Variants in NFYB observed in about 807,000 individuals in gnomAD.
The protein encoded by NFYB is nuclear transcription factor Y subunit beta, also known as CAAT box DNA-binding protein subunit B.
In NFYB, 13 loss-of-function variants were observed where a neutral mutation model predicts 28.0. The observed-to-expected ratio is 0.46, with a 90% CI of 0.30 to 0.74. The LOEUF is 0.74. Among genes scored for constraint, NFYB ranks in the 30% least tolerant of loss-of-function variants. The probability of loss-of-function intolerance (pLI) is 0.07; values close to 1 mark genes in which losing one functional copy is unlikely to be tolerated. For missense variants in NFYB, 142 were observed against 247.6 expected (o/e 0.57, Z 2.86); for synonymous variants, 74 against 75.0 (o/e 0.99, Z 0.07).
chr12:104,121,118 A>T, intron 6 of NFYB, 122 bp downstream of exon 6: 1 of 778,340 alleles, frequency 1.3e-6, no homozygotes, highest in Non-Finnish European at 2.1e-6. Flanking sequence ...ATGAACTGAT[A>T]AGAACTATTT....
chr12:104,130,429 A>G (rs2030880171), intron 2 of NFYB, among the ~76,000 whole-genome samples: 1 of 152,222 alleles, frequency 6.6e-6, no homozygotes, highest in Non-Finnish European at 1.5e-5. Flanking sequence ...CTGTAGATAG[A>G]GACACATTTC....
At chr12:104,134,273 C>T (rs2031025914) in intron 2 of NFYB, among the ~76,000 whole-genome samples, 1 of 152,160 alleles carries the variant, frequency 6.6e-6, no homozygotes, top group Non-Finnish European at 1.5e-5. Flanking sequence ...GCAACCCATG[C>T]CTGTAGGGCA....
At chr12:104,131,557 A>G (rs566982167) in intron 2 of NFYB, 80 of 350,592 alleles carry the variant, frequency 2.3e-4, no homozygotes, top group African/African-American at 1.5e-3. Context: ...CTTTCACTCA[A>G]TAAGTCAACC....
chr12:104,129,970 C>T (rs1198398728), intron 2 of NFYB, among the ~76,000 whole-genome samples: 1 of 152,094 alleles, frequency 6.6e-6, no homozygotes, highest in South Asian at 2.1e-4. Context: ...TTAAAAAAAG[C>T]CTGCTTAATT....
At chr12:104,138,071 G>A (rs1196272329) in intron 1 of NFYB, 70 bp downstream of exon 1, 2 of 147,898 alleles carry the variant, frequency 1.4e-5, no homozygotes, top group African/African-American at 2.4e-5. Flanking sequence ...GCCGGGAGGA[G>A]ACGGACATTT....
intron 2 of NFYB, among the ~76,000 whole-genome samples, chr12:104,134,143 A>T (rs375926091): frequency 1.3e-5 from 2 of 152,058 alleles, no homozygotes; most frequent in African/African-American, 4.8e-5. Flanking sequence ...CCCACCCCCT[A>T]ATTGTTTCAC....
Position 104,117,141 on chromosome 12 carries a change from TC to T in NFYB, c.*2595del, listed in dbSNP as rs2030297268. 6.6e-6 allele frequency: 1 copy of T among 152,178 alleles called. No homozygotes were observed. Among genetic ancestry groups the T allele is most frequent in the South Asian group, 2.1e-4 (1 of 4,830 alleles). 9.4% of individuals were successfully genotyped at this position (152,178 alleles called of 1,614,324 possible). ...ATGGGAGCTTGCATACATAAGAAGT[TC>T]CAGAGGAGAAAACATGACATTCAGT... On this transcript the variant is annotated 3_prime_UTR_variant, in exon 8 of 8. Transcript: ENST00000240055.
At chr12:104,119,790 T>C in intron 7 of NFYB, 21 bp from the exon 8 acceptor site, 8 of 1,543,352 alleles carry the variant, frequency 5.2e-6, no homozygotes, top group Non-Finnish European at 7.2e-6. Flanking sequence ...AAAATTTAAA[T>C]TGAGCAGAAT....
chr12:104,126,492 A>G (rs2030720303), intron 3 of NFYB, among the ~76,000 whole-genome samples: 2 of 152,186 alleles, frequency 1.3e-5, no homozygotes, highest in Admixed American at 1.3e-4. Context: ...CTACTTGCCC[A>G]TTCTCCAAAA....
At position 104,128,567 on chromosome 12, in the gene NFYB, G is replaced by A. The variant is rs775317184; in HGVS notation, c.7-50C>T. The A allele has an allele frequency of 1.6e-5, 20 of 1,288,916 alleles. No homozygotes were observed. In the Admixed American group the frequency reaches 2.2e-4, roughly 14 times the overall value. The allele number at this position is 1,288,916 out of a possible 1,614,324, so 79.8% of individuals were successfully genotyped here. A position where few individuals can be genotyped will look rare whatever the true frequency, so the allele number is the denominator to read the frequency against. On this transcript the variant is annotated intron_variant, in intron 2 of 7. Coordinates refer to ENST00000240055, the MANE Select transcript of NFYB (RefSeq NM_006166.4). The stretch of plus-strand genomic sequence containing the variant: ...AATACTTTTCAAAGTACTAACAAAC[G>A]TAACAGATTCAACACTTATAAACTG...
chr12:104,133,410 A>C (rs2030994329), intron 2 of NFYB, among the ~76,000 whole-genome samples: 1 of 152,230 alleles, frequency 6.6e-6, no homozygotes. Flanking sequence ...TTCTCAAACC[A>C]GGATGGTGTT....
rs536982251 is a variant in NFYB at position 104,121,331 on chromosome 12, G to GAA, written c.430-12_430-11dup. ...TTTCTCCTTTCATAGCCTGAGGAAG[G>GAA]AAAAAAAAAAAGTCACTGATATTCA... is the stretch of plus-strand genomic sequence containing the variant. On this transcript the variant is annotated splice_polypyrimidine_tract_variant and intron_variant, in intron 5 of 7. Transcript: ENST00000240055. 2.8e-5 allele frequency: 35 copies of GAA among 1,249,906 alleles called. No homozygotes were observed. The highest frequency in any genetic ancestry group is 2.1e-4 in the Middle Eastern group (1 of 4,806). 77.4% of individuals were successfully genotyped at this position (1,249,906 alleles called of 1,614,324 possible).
chr12:104,123,169 C>G lies in NFYB; in HGVS notation c.429+57G>C, dbSNP rs2030545865. Reference sequence around the variant, plus strand: ...CCAGCCTGGGCAACAGAGCGATACTCCACCTCAAAAAAAAAAAGAAGAAAA... The same window carrying G: ...CCAGCCTGGGCAACAGAGCGATACTGCACCTCAAAAAAAAAAAGAAGAAAA... On this transcript the variant is annotated intron_variant, in intron 5 of 7. Transcript: ENST00000240055. 4 of 1,346,562 alleles carry G rather than the reference C, an allele frequency of 3.0e-6. No homozygotes were observed. In the Admixed American group the frequency reaches 6.6e-5, roughly 22 times the overall value. The allele number at this position is 1,346,562 out of a possible 1,614,324, so 83.4% of individuals were successfully genotyped here.
intron 4 of NFYB, among the ~76,000 whole-genome samples, chr12:104,124,180 C>T (rs530629697): frequency 2.0e-5 from 3 of 152,266 alleles, no homozygotes; most frequent in Admixed American, 2.0e-4. Flanking sequence ...AACTAAAAAA[C>T]TGAATTCACA....
In NFYB at chr12:104,117,847, A is replaced by G. The variant is rs1018511679; in HGVS notation, c.*1890T>C. 1 of 152,242 alleles carries G rather than the reference A, an allele frequency of 6.6e-6. No homozygotes were observed. Among genetic ancestry groups the G allele is most frequent in the Non-Finnish European group, 1.5e-5 (1 of 68,044 alleles). The allele number at this position is 152,242 out of a possible 1,614,324, so 9.4% of individuals were successfully genotyped here. ...GACACACTGCTTGGATCAAGTGGAAAATATCTCAAAAATACACTCATAACG... is the reference window on the plus strand; with the variant it reads ...GACACACTGCTTGGATCAAGTGGAAGATATCTCAAAAATACACTCATAACG... On this transcript the variant is annotated 3_prime_UTR_variant, in exon 8 of 8. Transcript: ENST00000240055.
At chr12:104,137,109 G>A (rs1419344566) in intron 1 of NFYB, among the ~76,000 whole-genome samples, 1 of 152,166 alleles carries the variant, frequency 6.6e-6, no homozygotes, top group Non-Finnish European at 1.5e-5. Context: ...TACTAAGAGA[G>A]ATGAAACCAC....
chr12:104,121,225 T>G lies in NFYB; in HGVS notation c.511+15A>C. 6.3e-7 allele frequency: 1 copy of G among 1,595,250 alleles called. No homozygotes were observed. Among genetic ancestry groups the G allele is most frequent in the Non-Finnish European group, 8.6e-7 (1 of 1,165,490 alleles). ...TGCTAACAATCTACATGACTTGTAT[T>G]ATAACAATGCTTACTAAATGCCTCC... On this transcript the variant is annotated intron_variant, in intron 6 of 7. Coordinates refer to ENST00000240055, the MANE Select transcript of NFYB (RefSeq NM_006166.4).
At position 104,120,396 on chromosome 12, in the gene NFYB, G is replaced by A. The variant is rs760643202; in HGVS notation, c.591+4C>T. The stretch of plus-strand genomic sequence containing the variant: ...TTAAGCATTTAAAATACAAAGGACT[G>A]TACCTGTTGATATGATGTTGTGTAA... On this transcript the variant is annotated splice_donor_region_variant and intron_variant, in intron 7 of 7. Transcript: ENST00000240055. The A allele has an allele frequency of 4.5e-5, 72 of 1,609,364 alleles. 1 individual carries two copies. In the South Asian group the frequency reaches 5.9e-4, roughly 13 times the overall value.
At chr12:104,123,679 G>A (rs2030569084) in intron 4 of NFYB, among the ~76,000 whole-genome samples, 2 of 152,196 alleles carry the variant, frequency 1.3e-5, no homozygotes, top group African/African-American at 2.4e-5. Context: ...GTAAAAGAGT[G>A]CCTGGCAGGG....
Sources: allele counts gnomAD v4.1 joint callset (sites outside exome capture counted in the v4.1 genomes callset), GRCh38; gene constraint gnomAD v4.1.1; transcripts MANE v1.5; gene names NCBI Gene and HGNC (gene_info 2026-07-23, HGNC 2026-07-21).